TEAD1: variants seen among roughly 807,000 people sequenced by gnomAD.
TEAD1 encodes transcriptional enhancer factor TEF-1.
A neutral mutation model predicts 54.9 loss-of-function variants in TEAD1; 9 were observed. The ratio of observed to expected loss-of-function variants is 0.16; its 90% CI spans 0.10 to 0.29. The LOEUF (loss-of-function observed/expected upper bound fraction) is 0.29. Ranked by LOEUF, TEAD1 falls within the 10% of genes least tolerant of loss-of-function variation. TEAD1 has a pLI of 1.00. For synonymous variants in TEAD1, 200 were observed against 187.8 expected, an observed-to-expected ratio of 1.07 and a Z score of -0.53; for missense variants, 387 against 535.9, an observed-to-expected ratio of 0.72 and a Z score of 2.74.
Position 12,875,104 on chromosome 11 carries a change from T to C in TEAD1, c.331-4604T>C, listed in dbSNP as rs1402359385. On this transcript the variant is annotated intron_variant, in intron 5 of 12. Coordinates refer to ENST00000527636, the MANE Select transcript of TEAD1 (RefSeq NM_021961.6). The stretch of plus-strand genomic sequence containing the variant: ...AGTTTTTCAGCATCAAACAATGTGC[T>C]CACCTTTGTAAATCTCATCCACATC... 3.3e-5 allele frequency among the ~76,000 whole-genome samples: 5 copies of C among 152,376 alleles called. No individual in the cohort carries two copies. The East Asian group carries it at 9.6e-4, about 29-fold the overall frequency.
At chr11:12,698,525 T>TA (rs956102004) in intron 2 of TEAD1, among the ~76,000 whole-genome samples, 3 of 151,830 alleles carry the variant, frequency 2.0e-5, no homozygotes, top group African/African-American at 4.8e-5. Flanking sequence ...TTTTTTTTTT[T>TA]AAATATTGAT....
At chr11:12,842,066 AAAAAC>A (rs200649965) in intron 3 of TEAD1, among the ~76,000 whole-genome samples, 3,624 of 152,276 alleles carry the variant, frequency 0.024, 149 homozygotes, top group African/African-American at 0.08. Context: ...AGCAGAGGAA[AAAAAC>A]AAAACAAAAC....
At chr11:12,833,900 T>C (rs1362368931) in intron 3 of TEAD1, among the ~76,000 whole-genome samples, 1 of 152,210 alleles carries the variant, frequency 6.6e-6, no homozygotes, top group Non-Finnish European at 1.5e-5. Context: ...TGTTTACTCA[T>C]TTGGTTGCTT....
intron 3 of TEAD1, among the ~76,000 whole-genome samples, chr11:12,816,032 A>G (rs949826197): frequency 6.6e-6 from 1 of 152,202 alleles, no homozygotes; most frequent in Non-Finnish European, 1.5e-5. Context: ...AATTCTTAGG[A>G]ACCTAGACAG....
chr11:12,694,591 C>T (rs1023493536), intron 2 of TEAD1, among the ~76,000 whole-genome samples: 12 of 152,008 alleles, frequency 7.9e-5, no homozygotes, highest in Admixed American at 7.9e-4. Context: ...GTGTACGTAC[C>T]CAAGTCAGAG....
At chr11:12,743,630 T>G (rs1046573618) in intron 2 of TEAD1, among the ~76,000 whole-genome samples, 14 of 152,228 alleles carry the variant, frequency 9.2e-5, no homozygotes, top group African/African-American at 3.4e-4. Flanking sequence ...TAATTTTTGG[T>G]TTCACAACTA....
chr11:12,782,414 C>G (rs1047051418), intron 3 of TEAD1, among the ~76,000 whole-genome samples: 1 of 151,992 alleles, frequency 6.6e-6, no homozygotes, highest in Non-Finnish European at 1.5e-5. Context: ...TACGAAATGC[C>G]CGGAATAGGT....
At chr11:12,910,747 C>CTTT (rs5789752) in intron 10 of TEAD1, among the ~76,000 whole-genome samples, 7 of 119,926 alleles carry the variant, frequency 5.8e-5, no homozygotes, top group African/African-American at 1.6e-4. Flanking sequence ...ACTTAATTTG[C>CTTT]TTTTTTTTTT....
chr11:12,737,838 G>A (rs558332151), intron 2 of TEAD1, among the ~76,000 whole-genome samples: 17 of 152,254 alleles, frequency 1.1e-4, no homozygotes, highest in African/African-American at 3.4e-4. Context: ...CCATTTTTAC[G>A]CTGCTGATAA....
At chr11:12,933,061 C>G (rs965304176) in intron 12 of TEAD1, among the ~76,000 whole-genome samples, 1 of 152,198 alleles carries the variant, frequency 6.6e-6, no homozygotes, top group African/African-American at 2.4e-5. Flanking sequence ...GCTGTACCGT[C>G]TAGGTCTGAG....
intron 9 of TEAD1, among the ~76,000 whole-genome samples, chr11:12,897,736 T>C (rs1276680526): frequency 6.6e-6 from 1 of 152,244 alleles, no homozygotes; most frequent in Non-Finnish European, 1.5e-5. Context: ...ATCTGATGCA[T>C]TTGTGAATCA....
At chr11:12,732,423 A>G (rs998405506) in intron 2 of TEAD1, among the ~76,000 whole-genome samples, 7 of 152,150 alleles carry the variant, frequency 4.6e-5, no homozygotes, top group African/African-American at 1.2e-4. Context: ...ATGTGAATAT[A>G]TATTTTTTTG....
intron 3 of TEAD1, among the ~76,000 whole-genome samples, chr11:12,845,569 G>A (rs946036167): frequency 2.6e-5 from 4 of 152,182 alleles, no homozygotes; most frequent in Non-Finnish European, 4.4e-5. Context: ...CTGTGTACAC[G>A]TGTGTGATGG....
intron 5 of TEAD1, among the ~76,000 whole-genome samples, chr11:12,873,675 C>T (rs946704017): frequency 6.6e-6 from 1 of 152,092 alleles, no homozygotes; most frequent in African/African-American, 2.4e-5. Context: ...TTACTCCTGC[C>T]TTTTCTAATG....
At position 12,741,438 on chromosome 11, in the gene TEAD1, C is replaced by T. The variant is rs191202671; in HGVS notation, c.-54-22741C>T. On this transcript the variant is annotated intron_variant, in intron 2 of 12. Coordinates refer to ENST00000527636, the MANE Select transcript of TEAD1 (RefSeq NM_021961.6). ...GCTAATTGGATCTTCACATCCACAC[C>T]ACCAGCAGCATATTTTCTATGTCAT... is the stretch of plus-strand genomic sequence containing the variant. Among the ~76,000 whole-genome samples the T allele has an allele frequency of 3.3e-5, 5 of 152,238 alleles. No homozygotes were observed. In the East Asian group the frequency reaches 9.6e-4, roughly 29 times the overall value.
intron 3 of TEAD1, among the ~76,000 whole-genome samples, chr11:12,857,261 A>C (rs1321754505): frequency 2.6e-5 from 4 of 152,240 alleles, no homozygotes; most frequent in Non-Finnish European, 4.4e-5. Flanking sequence ...ACAGTGTAAA[A>C]GTGACAGGTC....
At chr11:12,786,072 C>G (rs1945671483) in intron 3 of TEAD1, among the ~76,000 whole-genome samples, 1 of 152,170 alleles carries the variant, frequency 6.6e-6, no homozygotes, top group Non-Finnish European at 1.5e-5. Flanking sequence ...GGGCTCCTGA[C>G]AGGTGTGTGA....
In TEAD1 at chr11:12,677,312, G is replaced by A. The variant is rs548634336; in HGVS notation, c.-55+1751G>A. Among the ~76,000 whole-genome samples, 7 of 151,910 alleles carry A rather than the reference G, an allele frequency of 4.6e-5. No homozygotes were observed. The East Asian group carries it at 1.4e-3, about 29-fold the overall frequency. On this transcript the variant is annotated intron_variant, in intron 2 of 12. Transcript: ENST00000527636. ...GCTTTTCCTTGCCTTGTGGTACAAT[G>A]TGTGCCCAGGCCCCAGCAGCAAACT... is the stretch of plus-strand genomic sequence containing the variant.
At chr11:12,773,200 C>G (rs555246863) in intron 3 of TEAD1, among the ~76,000 whole-genome samples, 1 of 152,294 alleles carries the variant, frequency 6.6e-6, no homozygotes, top group South Asian at 2.1e-4. Flanking sequence ...GGGCTGATTC[C>G]AGTGTTCAGG....
Sources: gnomAD v4.1 joint callset for allele counts (sites outside exome capture counted in the v4.1 genomes callset) on GRCh38, gnomAD v4.1.1 for gene constraint, MANE v1.5 for transcripts, NCBI Gene and HGNC (gene_info 2026-07-23, HGNC 2026-07-21) for gene names.